TPST1: variants seen among roughly 807,000 people sequenced by gnomAD.
The protein encoded by TPST1 is tyrosylprotein sulfotransferase 1, also known as protein-tyrosine sulfotransferase 1.
A neutral mutation model predicts 34.8 loss-of-function variants in TPST1; 20 were observed. The ratio of observed to expected loss-of-function variants is 0.57; its 90% CI spans 0.40 to 0.84. TPST1 has a LOEUF of 0.84. Ranked by LOEUF, TPST1 falls within the 40% of genes least tolerant of loss-of-function variation. The pLI, the probability that TPST1 is intolerant of heterozygous loss-of-function variation, is 0.00. For missense variants in TPST1, 353 were observed against 455.5 expected (o/e 0.78, Z 2.05); for synonymous variants, 152 against 159.4 (o/e 0.95, Z 0.35).
chr7:66,201,720 G>A (rs1789037478), upstream of TPST1, among the ~76,000 whole-genome samples: 1 of 151,862 alleles, frequency 6.6e-6, no homozygotes, highest in Non-Finnish European at 1.5e-5. Flanking sequence ...GGAGTGGGTG[G>A]CGTGCACCCG....
At chr7:66,273,317 T>C (rs1790741215) in intron 2 of TPST1, among the ~76,000 whole-genome samples, 1 of 152,204 alleles carries the variant, frequency 6.6e-6, no homozygotes. Context: ...CCTGTATTCG[T>C]GGATTGGAAT....
chr7:66,220,920 G>A (rs1023069382), intron 1 of TPST1, among the ~76,000 whole-genome samples: 1 of 152,162 alleles, frequency 6.6e-6, no homozygotes, highest in Non-Finnish European at 1.5e-5. Context: ...ATCACCTGAG[G>A]TCAGGAGTTT....
chr7:66,234,179 G>A (rs770658766), intron 1 of TPST1, among the ~76,000 whole-genome samples: 8 of 152,120 alleles, frequency 5.3e-5, no homozygotes, highest in Non-Finnish European at 8.8e-5. Flanking sequence ...TCTTGAATGC[G>A]TTAAAACGCC....
intron 2 of TPST1, among the ~76,000 whole-genome samples, chr7:66,274,412 C>A (rs2115830713): frequency 6.6e-6 from 1 of 150,414 alleles, no homozygotes; most frequent in East Asian, 2.0e-4. Flanking sequence ...GCTGGGATTA[C>A]AGGCATGAGC....
intron 3 of TPST1, among the ~76,000 whole-genome samples, chr7:66,306,453 C>A (rs1791425240): frequency 6.6e-6 from 1 of 152,198 alleles, no homozygotes; most frequent in Admixed American, 6.5e-5. Flanking sequence ...CAGGAGTTTG[C>A]TCTGACTCCC....
intron 3 of TPST1, among the ~76,000 whole-genome samples, chr7:66,303,267 A>G (rs1438727992): frequency 6.6e-6 from 1 of 151,518 alleles, no homozygotes; most frequent in East Asian, 1.9e-4. Flanking sequence ...TCTGGTCTGA[A>G]AAAAAAAAGA....
At chr7:66,199,390 G>T in the TPST1 span, among the ~76,000 whole-genome samples, 1 of 148,398 alleles carries the variant, frequency 6.7e-6, no homozygotes, top group Non-Finnish European at 1.5e-5. Context: ...CACCTCCTGG[G>T]TTCAAGTGAT....
intron 3 of TPST1, among the ~76,000 whole-genome samples, chr7:66,300,017 G>A (rs2901152): frequency 0.67 from 101,175 of 151,942 alleles, 34,053 homozygotes; most frequent in African/African-American, 0.76. Flanking sequence ...TAGTAGCATT[G>A]TGTCAAAAGA....
rs60795420 is a variant in TPST1 at position 66,254,002 on chromosome 7, C to CAA, written c.845+12749_845+12750dup. On this transcript the variant is annotated intron_variant, in intron 2 of 5. Coordinates refer to ENST00000304842, the MANE Select transcript of TPST1 (RefSeq NM_003596.4). Reference sequence around the variant, plus strand: ...TGGTTGACAGAGTGAGACTCTGTTTCAAAAAAAAAAAAAAAAAAGAAAGAA... The same window carrying CAA: ...TGGTTGACAGAGTGAGACTCTGTTTCAAAAAAAAAAAAAAAAAAAAGAAAGAA... 5.5e-3 allele frequency among the ~76,000 whole-genome samples: 620 copies of CAA among 113,438 alleles called. 7 individuals carry two copies. Among genetic ancestry groups the CAA allele is most frequent in the African/African-American group, 0.015 (478 of 31,324 alleles). 74.4% of individuals were successfully genotyped at this position (113,438 alleles called of 152,430 possible).
intron 3 of TPST1, among the ~76,000 whole-genome samples, chr7:66,319,980 G>C (rs1388543447): frequency 6.6e-6 from 1 of 152,066 alleles, no homozygotes; most frequent in Non-Finnish European, 1.5e-5. Flanking sequence ...TCTCTGTCCT[G>C]AATCAAAAAT....
At chr7:66,345,489 C>CAAAA (rs58837242) in intron 3 of TPST1, among the ~76,000 whole-genome samples, 1 of 64,860 alleles carries the variant, frequency 1.5e-5, no homozygotes. Flanking sequence ...ACTCCATCTC[C>CAAAA]AAAAAAAAAA....
chr7:66,354,846 AT>A (rs1313684946), intron 4 of TPST1, among the ~76,000 whole-genome samples: 3 of 152,060 alleles, frequency 2.0e-5, no homozygotes, highest in Non-Finnish European at 4.4e-5. Context: ...AATACAAAAA[AT>A]TAGCTGGGTG....
chr7:66,271,793 A>G (rs555550910), intron 2 of TPST1, among the ~76,000 whole-genome samples: 2 of 151,438 alleles, frequency 1.3e-5, no homozygotes, highest in Non-Finnish European at 2.9e-5. Context: ...ATGTATCACC[A>G]TTTCTTTAGC....
intron 1 of TPST1, among the ~76,000 whole-genome samples, chr7:66,218,573 C>T (rs1211906975): frequency 6.6e-6 from 1 of 152,118 alleles, no homozygotes; most frequent in Non-Finnish European, 1.5e-5. Context: ...GGGCTGGGCG[C>T]GGTGGCTCAC....
intron 3 of TPST1, among the ~76,000 whole-genome samples, chr7:66,306,511 CA>C (rs1340376101): frequency 2.0e-5 from 3 of 152,282 alleles, no homozygotes; most frequent in Admixed American, 6.5e-5. Context: ...AGAAAGAAAA[CA>C]ATTCCTATCA....
intron 3 of TPST1, among the ~76,000 whole-genome samples, chr7:66,333,335 C>T (rs941473941): frequency 6.6e-6 from 1 of 152,206 alleles, no homozygotes; most frequent in Admixed American, 6.5e-5. Flanking sequence ...AGCTATAAAG[C>T]AGTGTTAAAT....
intron 3 of TPST1, among the ~76,000 whole-genome samples, chr7:66,319,848 A>G (rs922899157): frequency 1.3e-5 from 2 of 152,144 alleles, no homozygotes. Context: ...CTGTTTTCCC[A>G]TCATTTTTCA....
intron 3 of TPST1, among the ~76,000 whole-genome samples, chr7:66,298,551 A>T (rs1440155882): frequency 1.3e-5 from 2 of 152,084 alleles, no homozygotes; most frequent in Non-Finnish European, 2.9e-5. Flanking sequence ...ATCCAGTTTT[A>T]TAGTCTCTGC....
In TPST1 at chr7:66,240,406, A is replaced by T; in HGVS notation, c.-20A>T. 1 of 1,603,192 alleles carries T rather than the reference A, an allele frequency of 6.2e-7. No homozygotes were observed. The highest frequency in any genetic ancestry group is 8.5e-7 in the Non-Finnish European group (1 of 1,173,596). ...ATTTTGAGCAAAATATCTGTTTAAT[A>T]ACAAGATAACCACATCAAGATGGTT... On this transcript the variant is annotated 5_prime_UTR_variant, in exon 2 of 6. Transcript: ENST00000304842.
Sources: allele counts gnomAD v4.1 joint callset (sites outside exome capture counted in the v4.1 genomes callset), GRCh38; gene constraint gnomAD v4.1.1; transcripts MANE v1.5; gene names NCBI Gene and HGNC (gene_info 2026-07-23, HGNC 2026-07-21).